Variants in KIAA0825 observed in about 807,000 individuals in gnomAD.
KIAA0825 encodes uncharacterized protein KIAA0825.
A neutral mutation model predicts 147.6 loss-of-function variants in KIAA0825; 119 were observed. The observed-to-expected ratio is 0.81, with a 90% CI of 0.69 to 0.94. The LOEUF (loss-of-function observed/expected upper bound fraction) is 0.94, where lower values mean the gene tolerates loss of function less well. Among genes scored for constraint, KIAA0825 ranks in the 40% least tolerant of loss-of-function variants. The probability of loss-of-function intolerance (pLI) is 0.00; values close to 1 mark genes in which losing one functional copy is unlikely to be tolerated. For synonymous variants in KIAA0825, 470 were observed against 518.1 expected (o/e 0.91, Z 1.26); for missense variants, 1,381 against 1,472.7 (o/e 0.94, Z 1.02).
At chr5:94,274,724 C>G (rs184309703) in intron 20 of KIAA0825, among the ~76,000 whole-genome samples, 1 of 152,294 alleles carries the variant, frequency 6.6e-6, no homozygotes, top group East Asian at 1.9e-4. Context: ...GGATGAGTAA[C>G]AAGATTCTCT....
At chr5:94,449,760 T>C (rs187481295) in intron 13 of KIAA0825, among the ~76,000 whole-genome samples, 34 of 152,030 alleles carry the variant, frequency 2.2e-4, no homozygotes, top group African/African-American at 8.2e-4. Context: ...TCAAAGAAAA[T>C]AGATTTTCTT....
At chr5:94,379,406 G>A (rs1041386709) in intron 20 of KIAA0825, among the ~76,000 whole-genome samples, 6 of 152,114 alleles carry the variant, frequency 3.9e-5, no homozygotes, top group African/African-American at 1.4e-4. Flanking sequence ...AGATCAGATG[G>A]TTGTAGCTCT....
chr5:94,276,982 G>A (rs2150149893), intron 20 of KIAA0825, among the ~76,000 whole-genome samples: 1 of 152,190 alleles, frequency 6.6e-6, no homozygotes, highest in East Asian at 1.9e-4. Flanking sequence ...GGCAAGTTTG[G>A]AAATAACTAA....
chr5:94,323,671 C>T (rs573868379), intron 20 of KIAA0825, among the ~76,000 whole-genome samples: 114 of 151,822 alleles, frequency 7.5e-4, no homozygotes, highest in African/African-American at 2.5e-3. Flanking sequence ...ATTTCCAATC[C>T]GATTCTTGTA....
intron 3 of KIAA0825, among the ~76,000 whole-genome samples, chr5:94,527,618 T>A (rs1437508080): frequency 6.6e-6 from 1 of 152,042 alleles, no homozygotes; most frequent in Non-Finnish European, 1.5e-5. Flanking sequence ...ACTTTTACAT[T>A]TTGATGCTCT....
At chr5:94,330,645 T>C (rs539649306) in intron 20 of KIAA0825, among the ~76,000 whole-genome samples, 1 of 151,856 alleles carries the variant, frequency 6.6e-6, no homozygotes, top group African/African-American at 2.4e-5. Flanking sequence ...GATTATGATA[T>C]AAGAAATTAG....
intron 20 of KIAA0825, among the ~76,000 whole-genome samples, chr5:94,206,836 C>G (rs912312444): frequency 6.6e-6 from 1 of 152,128 alleles, no homozygotes; most frequent in African/African-American, 2.4e-5. Context: ...CTTTCTTCCA[C>G]CCTCAAGTGA....
At chr5:94,205,301 T>TA (rs1562311940) in intron 20 of KIAA0825, among the ~76,000 whole-genome samples, 9 of 62,830 alleles carry the variant, frequency 1.4e-4, no homozygotes, top group African/African-American at 2.4e-4. Flanking sequence ...ATATATATAT[T>TA]TTGTTTTGTT....
intron 20 of KIAA0825, among the ~76,000 whole-genome samples, chr5:94,375,661 G>A (rs1366855650): frequency 6.6e-6 from 1 of 152,168 alleles, no homozygotes; most frequent in Non-Finnish European, 1.5e-5. Flanking sequence ...ACAAAATTGA[G>A]GTTTAGGAAG....
intron 17 of KIAA0825, among the ~76,000 whole-genome samples, chr5:94,393,090 C>T (rs1750131148): frequency 6.6e-6 from 1 of 152,022 alleles, no homozygotes; most frequent in African/African-American, 2.4e-5. Context: ...TGTATCCTTT[C>T]CTGTCCATCA....
chr5:94,237,208 C>T (rs751689967), intron 20 of KIAA0825, among the ~76,000 whole-genome samples: 2 of 152,044 alleles, frequency 1.3e-5, no homozygotes, highest in African/African-American at 4.8e-5. Flanking sequence ...GCTTACAATC[C>T]GTAGGTATAC....
intron 20 of KIAA0825, among the ~76,000 whole-genome samples, chr5:94,372,994 T>A (rs1053330325): frequency 6.6e-6 from 1 of 152,312 alleles, no homozygotes; most frequent in South Asian, 2.1e-4. Flanking sequence ...TGCTAACACA[T>A]AGCAAGAGTC....
intron 20 of KIAA0825, among the ~76,000 whole-genome samples, chr5:94,264,615 C>A (rs1056261556): frequency 7.9e-5 from 12 of 152,160 alleles, no homozygotes; most frequent in African/African-American, 2.9e-4. Flanking sequence ...TTTGCTTACA[C>A]TATTTCCCTT....
chr5:94,173,999 A>G (rs1248749132), intron 20 of KIAA0825, among the ~76,000 whole-genome samples: 1 of 152,192 alleles, frequency 6.6e-6, no homozygotes, highest in African/African-American at 2.4e-5. Context: ...TAGCTGCATG[A>G]AATGTGGAAT....
intron 6 of KIAA0825, among the ~76,000 whole-genome samples, chr5:94,480,255 A>G (rs1193970817): frequency 6.6e-6 from 1 of 152,240 alleles, no homozygotes; most frequent in South Asian, 2.1e-4. Flanking sequence ...TTCCTCTAGT[A>G]GAAATAACAA....
Position 94,610,020 on chromosome 5 carries a change from A to C in KIAA0825, c.-153+8480T>G, listed in dbSNP as rs189702732. ...AAGGAAAGAATTATATATCTGAAAA[A>C]ATTTAAAGGAATACATTGTTATGTG... On this transcript the variant is annotated intron_variant, in intron 1 of 20. Coordinates refer to ENST00000682413, the MANE Select transcript of KIAA0825 (RefSeq NM_001145678.3). Among the ~76,000 whole-genome samples the C allele has an allele frequency of 1.3e-4, 20 of 152,316 alleles. No homozygotes were observed. In the East Asian group the frequency reaches 3.7e-3, roughly 28 times the overall value.
At chr5:94,379,498 A>G (rs1333179849) in intron 20 of KIAA0825, among the ~76,000 whole-genome samples, 1 of 152,160 alleles carries the variant, frequency 6.6e-6, no homozygotes, top group Non-Finnish European at 1.5e-5. Flanking sequence ...TTTTGGTTAC[A>G]GTAGCCTTGT....
intron 2 of KIAA0825, among the ~76,000 whole-genome samples, chr5:94,560,423 T>C (rs6898585): frequency 0.51 from 77,382 of 151,990 alleles, 20,205 homozygotes; most frequent in Non-Finnish European, 0.55. Flanking sequence ...TTTACCTAAT[T>C]GCCCTGTTTC....
At chr5:94,463,279 T>A (rs1403045000) in intron 11 of KIAA0825, among the ~76,000 whole-genome samples, 3 of 151,392 alleles carry the variant, frequency 2.0e-5, no homozygotes, top group Non-Finnish European at 4.4e-5. Flanking sequence ...ATTTGTCTTT[T>A]ACATTCAGGG....
Sources: allele counts gnomAD v4.1 joint callset (sites outside exome capture counted in the v4.1 genomes callset), GRCh38; gene constraint gnomAD v4.1.1; transcripts MANE v1.5; gene names NCBI Gene and HGNC (gene_info 2026-07-23, HGNC 2026-07-21).